CCDC149: variants seen among roughly 807,000 people sequenced by gnomAD.
CCDC149 encodes coiled-coil domain containing 149, also known as coiled-coil domain-containing protein 149.
In CCDC149, 45 loss-of-function variants were observed where a neutral mutation model predicts 59.9. The observed-to-expected ratio is 0.75, with a 90% CI of 0.59 to 0.96. CCDC149 has a LOEUF of 0.96. Among genes scored for constraint, CCDC149 ranks in the 40% least tolerant of loss-of-function variants. The pLI is 0.00. For synonymous variants in CCDC149, 245 were observed against 260.6 expected (o/e 0.94, Z 0.58); for missense variants, 584 against 664.7 (o/e 0.88, Z 1.33).
At chr4:24,896,974 T>C (rs1231806243) in intron 1 of CCDC149, among the ~76,000 whole-genome samples, 2 of 152,216 alleles carry the variant, frequency 1.3e-5, no homozygotes, top group Non-Finnish European at 2.9e-5. Flanking sequence ...TGCAGGACAC[T>C]GTGCTGGTCA....
In CCDC149 at chr4:24,838,365, A is replaced by C. The variant is rs111872133; in HGVS notation, c.373-93T>G. The C allele has an allele frequency of 4.0e-3, 3,484 of 860,988 alleles. 78 individuals are homozygous for C. In the African/African-American group the frequency reaches 0.049, roughly 12 times the overall value. The allele number at this position is 860,988 out of a possible 1,614,324, so 53.3% of individuals were successfully genotyped here. A position where few individuals can be genotyped will look rare whatever the true frequency, so the allele number is the denominator to read the frequency against. On this transcript the variant is annotated intron_variant, in intron 4 of 12. Transcript: ENST00000635206. ...GACACTAAGAAACTTTTGGAAGATA[A>C]GATACTTTCAAGAAATACTGGAGAA...
At chr4:24,897,074 C>G (rs967216030) in intron 1 of CCDC149, among the ~76,000 whole-genome samples, 1 of 152,116 alleles carries the variant, frequency 6.6e-6, no homozygotes, top group South Asian at 2.1e-4. Flanking sequence ...AAATCCAACC[C>G]ATGGCGGCCA....
intron 6 of CCDC149, among the ~76,000 whole-genome samples, chr4:24,836,946 A>G (rs567325046): frequency 5.4e-4 from 83 of 152,332 alleles, no homozygotes; most frequent in Non-Finnish European, 1.0e-3. Flanking sequence ...CTTGATGGCA[A>G]TAACAAGCAA....
At chr4:24,885,294 T>C (rs1444966567) in intron 1 of CCDC149, among the ~76,000 whole-genome samples, 4 of 152,092 alleles carry the variant, frequency 2.6e-5, no homozygotes, top group Non-Finnish European at 4.4e-5. Context: ...GTGGTGTAAA[T>C]TATATTGGAC....
chr4:24,968,367 T>C lies in CCDC149; in HGVS notation c.-65+11702A>G, dbSNP rs369649605. ...GTCATTGTGCAGACGACTTACCCAA[T>C]AGCAGGAATGGATGCATTCACGGGT... On this transcript the variant is annotated intron_variant, in intron 1 of 12. Coordinates refer to the CCDC149 transcript ENST00000389609. Among the ~76,000 whole-genome samples, 25 of 152,278 alleles carry C rather than the reference T, an allele frequency of 1.6e-4. No homozygotes were observed. In the South Asian group the frequency reaches 4.1e-3, roughly 25 times the overall value.
chr4:24,936,311 T>C (rs1402475418), intron 1 of CCDC149, among the ~76,000 whole-genome samples: 6 of 140,786 alleles, frequency 4.3e-5, no homozygotes, highest in African/African-American at 1.7e-4. Flanking sequence ...TATTGCCACA[T>C]ATTTTTATAA....
intron 3 of CCDC149, among the ~76,000 whole-genome samples, chr4:24,856,770 C>T (rs750242833): frequency 5.9e-5 from 9 of 152,208 alleles, no homozygotes; most frequent in African/African-American, 1.2e-4. Context: ...CACATGTGGG[C>T]GGCCTCTGCC....
At chr4:24,891,036 T>A (rs1159525072) in intron 1 of CCDC149, among the ~76,000 whole-genome samples, 1 of 152,220 alleles carries the variant, frequency 6.6e-6, no homozygotes, top group Non-Finnish European at 1.5e-5. Flanking sequence ...GGCTGGGAGC[T>A]GTTTTCTCCC....
upstream of CCDC149, among the ~76,000 whole-genome samples, chr4:24,914,029 G>T (rs1457116460): frequency 6.6e-6 from 1 of 152,170 alleles, no homozygotes; most frequent in Non-Finnish European, 1.5e-5. Context: ...TGAACCCATT[G>T]TACAGTTGTG....
intron 4 of CCDC149, among the ~76,000 whole-genome samples, chr4:24,844,388 CT>C (rs1199069443): frequency 3.9e-5 from 6 of 152,152 alleles, no homozygotes; most frequent in Non-Finnish European, 7.3e-5. Context: ...CGAGAACCCC[CT>C]GAGAGGTTGG....
intron 4 of CCDC149, among the ~76,000 whole-genome samples, chr4:24,851,577 A>AT (rs1473643867): frequency 7.9e-5 from 12 of 152,372 alleles, no homozygotes; most frequent in Admixed American, 7.8e-4. Context: ...GGAAAAAAAA[A>AT]GAAATAAAAT....
At chr4:24,883,556 C>T (rs1719976391) in intron 1 of CCDC149, among the ~76,000 whole-genome samples, 1 of 152,022 alleles carries the variant, frequency 6.6e-6, no homozygotes, top group African/African-American at 2.4e-5. Context: ...GAATAGAGAC[C>T]ATTATGTCTT....
At chr4:24,884,133 T>G (rs1527353) in intron 1 of CCDC149, among the ~76,000 whole-genome samples, 63,907 of 152,088 alleles carry the variant, frequency 0.42, 14,582 homozygotes, top group Non-Finnish European at 0.52. Context: ...AGGGAATGCT[T>G]AGGTCTAAGA....
At chr4:24,805,140 C>T (rs1714086936), downstream of CCDC149, among the ~76,000 whole-genome samples, 1 of 152,192 alleles carries the variant, frequency 6.6e-6, no homozygotes, top group Non-Finnish European at 1.5e-5. Flanking sequence ...CACCTAGAGG[C>T]TCTCAGGCAC....
At chr4:24,856,931 C>T (rs531967995) in intron 3 of CCDC149, among the ~76,000 whole-genome samples, 7 of 152,344 alleles carry the variant, frequency 4.6e-5, no homozygotes, top group East Asian at 1.9e-4. Context: ...AGCAGCCCAG[C>T]GCTTGCTCGG....
At chr4:24,940,599 G>A (rs183581050) in intron 1 of CCDC149, among the ~76,000 whole-genome samples, 2 of 152,280 alleles carry the variant, frequency 1.3e-5, no homozygotes, top group Non-Finnish European at 1.5e-5. Context: ...GCACAGACTG[G>A]CAAATTGGAT....
intron 1 of CCDC149, among the ~76,000 whole-genome samples, chr4:24,934,046 ATCT>A (rs1185388000): frequency 6.6e-6 from 1 of 152,170 alleles, no homozygotes; most frequent in Non-Finnish European, 1.5e-5. Flanking sequence ...GTCTAGCTTG[ATCT>A]TCTTTGCAGC....
intron 4 of CCDC149, among the ~76,000 whole-genome samples, chr4:24,838,791 C>CAA (rs529361878): frequency 2.3e-3 from 327 of 140,784 alleles, no homozygotes; most frequent in African/African-American, 8.2e-3. Flanking sequence ...AAAAAAAAAA[C>CAA]AAAAAAAAAC....
At chr4:24,959,229 C>T (rs1723566675) in intron 1 of CCDC149, among the ~76,000 whole-genome samples, 1 of 152,154 alleles carries the variant, frequency 6.6e-6, no homozygotes, top group African/African-American at 2.4e-5. Context: ...CCGCCTCAGC[C>T]TCCCAAAGTG....
Sources: gnomAD v4.1 joint callset for allele counts (sites outside exome capture counted in the v4.1 genomes callset) on GRCh38, gnomAD v4.1.1 for gene constraint, MANE v1.5 for transcripts, NCBI Gene and HGNC (gene_info 2026-07-23, HGNC 2026-07-21) for gene names.